Variants in MNS1 observed in about 807,000 individuals in gnomAD.
The protein encoded by MNS1 is meiosis specific nuclear structural 1.
MNS1 carries 63 observed loss-of-function variants against 72.0 expected under a neutral mutation model. The ratio of observed to expected loss-of-function variants is 0.87; its 90% confidence interval spans 0.71 to 1.08. The LOEUF is 1.08. Among genes scored for constraint, MNS1 ranks in the 50% least tolerant of loss-of-function variants. MNS1 has a pLI of 0.00. For synonymous variants in MNS1, 188 were observed against 172.1 expected, an observed-to-expected ratio of 1.09 and a Z score of -0.72; for missense variants, 604 against 562.4, an observed-to-expected ratio of 1.07 and a Z score of -0.75.
At chr15:56,445,766 A>G (rs1247109687) in intron 4 of MNS1, 1 of 152,018 alleles carries the variant, frequency 6.6e-6, no homozygotes, top group Non-Finnish European at 1.5e-5. Flanking sequence ...TTGTGGATCA[A>G]TTTTTATTTG....
At chr15:56,459,737 T>C (rs2051004298) in intron 2 of MNS1, among the ~76,000 whole-genome samples, 2 of 151,682 alleles carry the variant, frequency 1.3e-5, no homozygotes, top group Non-Finnish European at 2.9e-5. Context: ...TAATCCACTT[T>C]GGGAGCACTT....
intron 4 of MNS1, 85 bp from the exon 5 acceptor site, chr15:56,444,758 T>C: frequency 8.7e-7 from 1 of 1,151,608 alleles, no homozygotes; most frequent in East Asian, 2.4e-5. Context: ...TATTGAATAT[T>C]ATAAAGTCTT....
intron 8 of MNS1, among the ~76,000 whole-genome samples, chr15:56,433,100 A>G (rs1357531186): frequency 6.6e-6 from 1 of 152,144 alleles, no homozygotes; most frequent in Non-Finnish European, 1.5e-5. Flanking sequence ...GGGCCACCAA[A>G]TCATTTTGGG....
At chr15:56,457,777 T>TGCACTCCA (rs1567154275) in intron 2 of MNS1, among the ~76,000 whole-genome samples, 2 of 151,420 alleles carry the variant, frequency 1.3e-5, no homozygotes, top group Non-Finnish European at 2.9e-5. Flanking sequence ...ATCATGCCAC[T>TGCACTCCA]GCACTCCAGC....
chr15:56,459,193 A>G (rs560872354), intron 2 of MNS1, among the ~76,000 whole-genome samples: 1 of 152,358 alleles, frequency 6.6e-6, no homozygotes, highest in South Asian at 2.1e-4. Context: ...GATATTTCAT[A>G]TAAATGAATT....
intron 9 of MNS1, 145 bp from the exon 10 acceptor site, chr15:56,429,338 A>G: frequency 1.7e-6 from 1 of 580,770 alleles, no homozygotes; most frequent in South Asian, 2.4e-5. Flanking sequence ...TAAAAAAATC[A>G]ATACTTTTCA....
intron 7 of MNS1, among the ~76,000 whole-genome samples, chr15:56,437,645 G>A (rs1413411815): frequency 6.6e-6 from 1 of 152,138 alleles, no homozygotes; most frequent in East Asian, 1.9e-4. Flanking sequence ...GAAAGAAAGG[G>A]TATTCAATTA....
At chr15:56,455,577 A>G (rs1274929270) in intron 3 of MNS1, among the ~76,000 whole-genome samples, 1 of 152,218 alleles carries the variant, frequency 6.6e-6, no homozygotes, top group African/African-American at 2.4e-5. Flanking sequence ...ATATTCAATT[A>G]CATAAGTATA....
chr15:56,432,038 A>G (rs933359067), intron 8 of MNS1, among the ~76,000 whole-genome samples: 1 of 152,182 alleles, frequency 6.6e-6, no homozygotes, highest in Admixed American at 6.5e-5. Context: ...AAGAACAGTA[A>G]TCTACTAAGC....
intron 2 of MNS1, among the ~76,000 whole-genome samples, chr15:56,457,835 T>A (rs2050991020): frequency 6.7e-6 from 1 of 150,312 alleles, no homozygotes; most frequent in Non-Finnish European, 1.5e-5. Flanking sequence ...AAAGCCTCCA[T>A]GCAATTATCA....
chr15:56,454,047 A>C (rs1166154136), intron 3 of MNS1, among the ~76,000 whole-genome samples: 1 of 151,738 alleles, frequency 6.6e-6, no homozygotes, highest in African/African-American at 2.4e-5. Context: ...TGGCTTGTGC[A>C]CAAAATAAAA....
chr15:56,456,341 T>G (rs2050981490), intron 3 of MNS1, 53 bp downstream of exon 3: 1 of 1,531,034 alleles, frequency 6.5e-7, no homozygotes. Context: ...AAGGATTACA[T>G]AAGAGTTTAA....
chr15:56,439,139 A>G (rs1177746054), intron 7 of MNS1, among the ~76,000 whole-genome samples: 1 of 152,198 alleles, frequency 6.6e-6, no homozygotes, highest in African/African-American at 2.4e-5. Flanking sequence ...ACTAGCAACG[A>G]GTACACGGAC....
chr15:56,430,839 A>G (rs2050570657), intron 9 of MNS1, among the ~76,000 whole-genome samples: 1 of 152,210 alleles, frequency 6.6e-6, no homozygotes, highest in Non-Finnish European at 1.5e-5. Context: ...GGGTAGCTTT[A>G]GATTTCCTAC....
Position 56,446,836 on chromosome 15 carries a change from A to G in MNS1, c.456+5T>C. 1 of 1,588,888 alleles carries G rather than the reference A, an allele frequency of 6.3e-7. No homozygotes were observed. The highest frequency in any genetic ancestry group is 8.6e-7 in the Non-Finnish European group (1 of 1,160,952). On this transcript the variant is annotated splice_donor_5th_base_variant and intron_variant, in intron 4 of 9. Transcript: ENST00000260453. The stretch of plus-strand genomic sequence containing the variant: ...TAAAAACATAATGACCAGAAACATG[A>G]TTACCATTTGTTCATATTTAATGGC...
At chr15:56,463,779 C>T (rs2051038480) in intron 2 of MNS1, 1 of 424,182 alleles carries the variant, frequency 2.4e-6, no homozygotes, top group African/African-American at 2.1e-5. Context: ...AAGACTCCAT[C>T]CAAAAAAAAA....
At chr15:56,458,359 C>A (rs2050994380) in intron 2 of MNS1, among the ~76,000 whole-genome samples, 1 of 152,172 alleles carries the variant, frequency 6.6e-6, no homozygotes, top group Non-Finnish European at 1.5e-5. Flanking sequence ...CCCATATATT[C>A]CCTGTCCCTA....
chr15:56,456,429 C>G lies in MNS1; in HGVS notation c.318G>C (p.Lys106Asn), dbSNP rs763878842. ...ELAKLKHESL[K>N]DEKMRQQVRE... ...TTACTTGTTGCCTCATCTTTTCGTC[C>G]TTTAGACTTTCATGTTTCAGTTTTG... is the stretch of plus-strand genomic sequence containing the variant. The change falls in exon 3 of 10, where the codon AAG (lysine) becomes AAC (asparagine). Residue 106 changes from lysine (K) to asparagine (N), a missense_variant. Transcript: ENST00000260453. The G allele has an allele frequency of 1.9e-5, 30 of 1,611,406 alleles. No individual in the cohort carries two copies. The highest frequency in any genetic ancestry group is 2.5e-5 in the Non-Finnish European group (29 of 1,179,236).
Position 56,434,175 on chromosome 15 carries a change from A to C in MNS1, c.1232T>G (p.Leu411Arg). The change falls in exon 8 of 10, where the codon CTT (leucine) becomes CGT (arginine). Residue 411 changes from leucine (L) to arginine (R), a missense_variant. Transcript: ENST00000260453. ...QLEHRRAVEK[L>R]IEERRQQFLA... ...GAATTGTTGGCGACGCTCTTCAATA[A>C]GTTTTTCCACAGCCCTCCTGTGTTC... is the stretch of plus-strand genomic sequence containing the variant. 6.2e-7 allele frequency: 1 copy of C among 1,613,570 alleles called. No individual in the cohort carries two copies. Among genetic ancestry groups the C allele is most frequent in the Non-Finnish European group, 8.5e-7 (1 of 1,179,820 alleles).
Sources: gnomAD v4.1 joint callset for allele counts (sites outside exome capture counted in the v4.1 genomes callset) on GRCh38, gnomAD v4.1.1 for gene constraint, MANE v1.5 for transcripts, NCBI Gene and HGNC (gene_info 2026-07-23, HGNC 2026-07-21) for gene names.